The following MBOAT1 variants were observed in gnomAD, a reference collection of about 807,000 sequenced individuals.
MBOAT1 encodes membrane bound glycerophospholipid O-acyltransferase 1.
MBOAT1 carries 67 observed loss-of-function variants against 64.4 expected under a neutral mutation model. That is an observed-to-expected ratio of 1.04 (90% CI 0.85 to 1.27). The LOEUF (loss-of-function observed/expected upper bound fraction) is 1.27, where lower values mean the gene tolerates loss of function less well. Among genes scored for constraint, MBOAT1 ranks in the 50% most tolerant of loss-of-function variants. The pLI, the probability that MBOAT1 is intolerant of heterozygous loss-of-function variation, is 0.00. For missense variants in MBOAT1, 563 were observed against 604.6 expected (o/e 0.93, Z 0.72); for synonymous variants, 229 against 218.9 (o/e 1.05, Z -0.41).
At chr6:20,111,835 C>CATATATATATACATATATATAT in intron 11 of MBOAT1, among the ~76,000 whole-genome samples, 10 of 86,784 alleles carry the variant, frequency 1.2e-4, no homozygotes, top group Non-Finnish European at 1.9e-4. Flanking sequence ...CATATATATA[C>CATATATATATACATATATATAT]ACATATATAT....
chr6:20,165,186 C>T (rs1761979959), intron 1 of MBOAT1, among the ~76,000 whole-genome samples: 1 of 152,130 alleles, frequency 6.6e-6, no homozygotes, highest in African/African-American at 2.4e-5. Flanking sequence ...TTATCTGATC[C>T]AAGCCCCTCA....
intron 3 of MBOAT1, among the ~76,000 whole-genome samples, chr6:20,148,904 C>T (rs1761406418): frequency 6.6e-6 from 1 of 151,992 alleles, no homozygotes; most frequent in African/African-American, 2.4e-5. Flanking sequence ...AGATTGAGAC[C>T]ATCCTGGCCA....
intron 1 of MBOAT1, among the ~76,000 whole-genome samples, chr6:20,159,146 G>A (rs1374241348): frequency 6.6e-6 from 1 of 151,966 alleles, no homozygotes; most frequent in Non-Finnish European, 1.5e-5. Flanking sequence ...TCTAATTCAG[G>A]GGTCCCCAAC....
chr6:20,111,771 A>G lies in MBOAT1; in HGVS notation c.1209+1105T>C, dbSNP rs564699057. Among the ~76,000 whole-genome samples, 23 of 129,120 alleles carry G rather than the reference A, an allele frequency of 1.8e-4. No individual in the cohort carries two copies. In the South Asian group the frequency reaches 6.2e-3, roughly 35 times the overall value. 84.7% of individuals were successfully genotyped at this position (129,120 alleles called of 152,430 possible). A position where few individuals can be genotyped will look rare whatever the true frequency, so the allele number is the denominator to read the frequency against. On this transcript the variant is annotated intron_variant, in intron 11 of 12. Coordinates refer to ENST00000324607, the MANE Select transcript of MBOAT1 (RefSeq NM_001080480.3). ...ACAATATGCACTTAATTTCAAAAGT[A>G]TCCTAGCCAGCATGAACAGTAATCC...
At chr6:20,150,870 C>G (rs957931427) in intron 3 of MBOAT1, among the ~76,000 whole-genome samples, 1 of 152,046 alleles carries the variant, frequency 6.6e-6, no homozygotes, top group Admixed American at 6.6e-5. Context: ...GTGTGAGCCA[C>G]CACGCCCAGC....
intron 1 of MBOAT1, among the ~76,000 whole-genome samples, chr6:20,206,012 C>T (rs1216773360): frequency 2.0e-5 from 3 of 152,130 alleles, no homozygotes; most frequent in Non-Finnish European, 4.4e-5. Context: ...TCCTTCTCCC[C>T]CTCCTGTGTG....
At chr6:20,173,168 G>C (rs1762249134) in intron 1 of MBOAT1, among the ~76,000 whole-genome samples, 1 of 152,208 alleles carries the variant, frequency 6.6e-6, no homozygotes, top group South Asian at 2.1e-4. Flanking sequence ...ACAGCCTGCA[G>C]AACCATAAGG....
At chr6:20,196,167 C>A (rs1013844126) in intron 1 of MBOAT1, among the ~76,000 whole-genome samples, 17 of 152,308 alleles carry the variant, frequency 1.1e-4, no homozygotes, top group African/African-American at 4.1e-4. Context: ...TCCAAAGCAG[C>A]AAATGCAATT....
At position 20,147,335 on chromosome 6, in the gene MBOAT1, G is replaced by T. The variant is rs189401892; in HGVS notation, c.324-3020C>A. On this transcript the variant is annotated intron_variant, in intron 3 of 12. Coordinates refer to ENST00000324607, the MANE Select transcript of MBOAT1 (RefSeq NM_001080480.3). ...GAAGCAGTTATTCTAGGAAGGAGAGGTGTGGTAGAGATTGGCACATGAGGC... is the reference window on the plus strand; with the variant it reads ...GAAGCAGTTATTCTAGGAAGGAGAGTTGTGGTAGAGATTGGCACATGAGGC... Among the ~76,000 whole-genome samples, 677 of 152,314 alleles carry T rather than the reference G, an allele frequency of 4.4e-3. 14 individuals carry two copies. The highest frequency in any genetic ancestry group is 0.041 in the Admixed American group (633 of 15,302).
At chr6:20,206,938 C>T (rs1001279751) in intron 1 of MBOAT1, among the ~76,000 whole-genome samples, 1 of 152,162 alleles carries the variant, frequency 6.6e-6, no homozygotes, top group Non-Finnish European at 1.5e-5. Flanking sequence ...CACGACCCAC[C>T]ATCGCAAGAA....
chr6:20,179,636 G>A (rs563754120), intron 1 of MBOAT1, among the ~76,000 whole-genome samples: 101 of 152,238 alleles, frequency 6.6e-4, no homozygotes, highest in African/African-American at 2.3e-3. Flanking sequence ...ATGCATGCAT[G>A]TATCTCTAAA....
chr6:20,202,457 C>A (rs1763148634), intron 1 of MBOAT1, among the ~76,000 whole-genome samples: 1 of 152,156 alleles, frequency 6.6e-6, no homozygotes, highest in Non-Finnish European at 1.5e-5. Context: ...CAACTTTAAA[C>A]TGTTCAAGGT....
At chr6:20,137,108 G>A (rs916191639) in intron 4 of MBOAT1, among the ~76,000 whole-genome samples, 2 of 151,996 alleles carry the variant, frequency 1.3e-5, no homozygotes, top group African/African-American at 4.8e-5. Context: ...TAACTCCTAG[G>A]AATTTATCCT....
chr6:20,151,954 T>C (rs1473921661), intron 2 of MBOAT1, among the ~76,000 whole-genome samples: 1 of 152,176 alleles, frequency 6.6e-6, no homozygotes, highest in African/African-American at 2.4e-5. Flanking sequence ...TTAGGAAAGG[T>C]TCCTTTTGGG....
At chr6:20,162,127 C>A (rs1761883525) in intron 1 of MBOAT1, among the ~76,000 whole-genome samples, 1 of 152,160 alleles carries the variant, frequency 6.6e-6, no homozygotes, top group Non-Finnish European at 1.5e-5. Context: ...TTATTAATAA[C>A]TTAATGACTG....
chr6:20,107,678 A>G (rs920012713), intron 12 of MBOAT1, among the ~76,000 whole-genome samples: 5 of 152,246 alleles, frequency 3.3e-5, no homozygotes, highest in South Asian at 4.1e-4. Flanking sequence ...AGCACACTAC[A>G]GGTATTACGT....
intron 1 of MBOAT1, 149 bp downstream of exon 1, chr6:20,211,969 AACACACACACACACACAC>A (rs57852903): frequency 0.022 from 10,054 of 456,922 alleles, 149 homozygotes; most frequent in Admixed American, 0.085. Context: ...AAGAAGGGAA[AACACACACACACACACAC>A]ACACACACAC....
chr6:20,149,944 G>T lies in MBOAT1; in HGVS notation c.323+1241C>A, dbSNP rs553645688. ...ACAAATATCTTTTAAAAGTAATTCAGTCATTCATTCCATAAATATTTATTG... is the reference window on the plus strand; with the variant it reads ...ACAAATATCTTTTAAAAGTAATTCATTCATTCATTCCATAAATATTTATTG... On this transcript the variant is annotated intron_variant, in intron 3 of 12. Transcript: ENST00000324607. Among the ~76,000 whole-genome samples the T allele has an allele frequency of 9.2e-5, 14 of 152,284 alleles. No individual in the cohort carries two copies. The East Asian group carries it at 2.5e-3, about 27-fold the overall frequency.
chr6:20,160,119 G>A (rs1433413683), intron 1 of MBOAT1, among the ~76,000 whole-genome samples: 1 of 152,174 alleles, frequency 6.6e-6, no homozygotes, highest in Non-Finnish European at 1.5e-5. Context: ...TAAAACACAT[G>A]CCCAAGTGTT....
Sources: gnomAD v4.1 joint callset for allele counts (sites outside exome capture counted in the v4.1 genomes callset) on GRCh38, gnomAD v4.1.1 for gene constraint, MANE v1.5 for transcripts, NCBI Gene and HGNC (gene_info 2026-07-23, HGNC 2026-07-21) for gene names.